The following FITM1 variants were observed in gnomAD, a reference collection of about 807,000 sequenced individuals.
The protein encoded by FITM1 is fat storage-inducing transmembrane protein 1.
Under a neutral mutation model 22.2 loss-of-function variants are expected in FITM1, and 11 were observed. That is an observed-to-expected ratio of 0.50 (90% confidence interval 0.31 to 0.82). FITM1 has a LOEUF of 0.82. Among genes scored for constraint, FITM1 ranks in the 40% least tolerant of loss-of-function variants. FITM1 has a pLI of 0.04. For missense variants in FITM1, 394 were observed against 386.4 expected (o/e 1.02, Z -0.17); for synonymous variants, 164 against 174.0 (o/e 0.94, Z 0.45).
chr14:24,131,899 C>T, intron 1 of FITM1, 70 bp downstream of exon 1: 2 of 1,507,266 alleles, frequency 1.3e-6, no homozygotes, highest in Non-Finnish European at 1.8e-6. Flanking sequence ...CTCCAGGCTT[C>T]TGTCCTCCTG....
At chr14:24,131,904 C>T (rs993350183) in intron 1 of FITM1, 75 bp downstream of exon 1, 2 of 1,504,034 alleles carry the variant, frequency 1.3e-6, no homozygotes, top group Non-Finnish European at 1.8e-6. Context: ...GGCTTCTGTC[C>T]TCCTGCCAGT....
Sources: gnomAD v4.1 joint callset for allele counts on GRCh38, gnomAD v4.1.1 for gene constraint, MANE v1.5 for transcripts, NCBI Gene and HGNC (gene_info 2026-07-23, HGNC 2026-07-21) for gene names.